Variants in CNTNAP4 observed in about 807,000 individuals in gnomAD.
The protein encoded by CNTNAP4 is contactin associated protein family member 4.
Under a neutral mutation model 148.4 loss-of-function variants are expected in CNTNAP4, and 98 were observed. That is an observed-to-expected ratio of 0.66 (90% CI 0.56 to 0.78). CNTNAP4 has a LOEUF of 0.78. CNTNAP4 is among the 30% of genes least tolerant of loss of function. CNTNAP4 has a pLI of 0.00. For synonymous variants in CNTNAP4, 730 were observed against 565.1 expected (o/e 1.29, Z -4.14); for missense variants, 1,935 against 1,565.6 (o/e 1.24, Z -3.98).
chr16:76,390,852 G>T (rs1008269830), intron 3 of CNTNAP4, among the ~76,000 whole-genome samples: 1 of 151,332 alleles, frequency 6.6e-6, no homozygotes, highest in Admixed American at 6.6e-5. Context: ...CTCATTAACT[G>T]TTTTTTTTCT....
chr16:76,314,970 T>C (rs940875344), intron 1 of CNTNAP4, among the ~76,000 whole-genome samples: 2 of 152,196 alleles, frequency 1.3e-5, no homozygotes, highest in Non-Finnish European at 2.9e-5. Flanking sequence ...TTACTTAGCT[T>C]TGCTTTTTAA....
At chr16:76,525,903 C>G (rs901748292) in intron 17 of CNTNAP4, among the ~76,000 whole-genome samples, 2 of 148,830 alleles carry the variant, frequency 1.3e-5, no homozygotes, top group African/African-American at 4.9e-5. Flanking sequence ...ATAGTTTATA[C>G]ATATATAAAA....
At chr16:76,537,870 A>G in intron 18 of CNTNAP4, among the ~76,000 whole-genome samples, 1 of 152,126 alleles carries the variant, frequency 6.6e-6, no homozygotes, top group East Asian at 1.9e-4. Context: ...GAACTCAGAT[A>G]AGAAAGCATT....
chr16:76,426,841 AG>A (rs2079422064), intron 3 of CNTNAP4, among the ~76,000 whole-genome samples: 1 of 152,174 alleles, frequency 6.6e-6, no homozygotes, highest in Non-Finnish European at 1.5e-5. Flanking sequence ...GTTTAATTAC[AG>A]GTCTTTCCAA....
intron 3 of CNTNAP4, among the ~76,000 whole-genome samples, chr16:76,419,860 GA>G (rs2079117587): frequency 6.6e-6 from 1 of 152,022 alleles, no homozygotes; most frequent in Non-Finnish European, 1.5e-5. Flanking sequence ...ACCTGGTGAA[GA>G]AAAAGAAGTC....
intron 7 of CNTNAP4, among the ~76,000 whole-genome samples, chr16:76,451,682 C>G (rs1290173321): frequency 6.7e-6 from 1 of 149,886 alleles, no homozygotes; most frequent in African/African-American, 2.4e-5. Flanking sequence ...ACCATTCACT[C>G]TTCATTGGCA....
At chr16:76,377,029 A>T (rs2015489943) in intron 3 of CNTNAP4, among the ~76,000 whole-genome samples, 1 of 151,900 alleles carries the variant, frequency 6.6e-6, no homozygotes, top group African/African-American at 2.4e-5. Context: ...TGCAATCGAC[A>T]GGCTTGGCAA....
At chr16:76,446,891 AG>A (rs546370449) in intron 4 of CNTNAP4, among the ~76,000 whole-genome samples, 239 of 152,286 alleles carry the variant, frequency 1.6e-3, no homozygotes, top group African/African-American at 5.3e-3. Context: ...GAGCCAAAAA[AG>A]CATTTAACTT....
At chr16:76,320,930 A>T (rs4888492) in intron 2 of CNTNAP4, among the ~76,000 whole-genome samples, 1 of 152,078 alleles carries the variant, frequency 6.6e-6, no homozygotes, top group Non-Finnish European at 1.5e-5. Flanking sequence ...TGAGTAGAAA[A>T]ATACATATGT....
intron 2 of CNTNAP4, among the ~76,000 whole-genome samples, chr16:76,335,347 G>A (rs928733850): frequency 6.6e-6 from 1 of 152,130 alleles, no homozygotes; most frequent in Non-Finnish European, 1.5e-5. Context: ...AGCTCAGACA[G>A]GCATGAGTCA....
At chr16:76,326,692 A>G (rs894865352) in intron 2 of CNTNAP4, among the ~76,000 whole-genome samples, 1 of 151,986 alleles carries the variant, frequency 6.6e-6, no homozygotes, top group Non-Finnish European at 1.5e-5. Flanking sequence ...GCAAACTATC[A>G]CAAGGACAAA....
chr16:76,501,557 G>T (rs1257847113), intron 15 of CNTNAP4, among the ~76,000 whole-genome samples: 1 of 152,190 alleles, frequency 6.6e-6, no homozygotes, highest in African/African-American at 2.4e-5. Flanking sequence ...ATTTGGCAGT[G>T]TTCGGAGACA....
Position 76,411,405 on chromosome 16 carries a change from A to T in CNTNAP4, c.391-16047A>T, listed in dbSNP as rs147166896. Among the ~76,000 whole-genome samples, 9 of 151,490 alleles carry T rather than the reference A, an allele frequency of 5.9e-5. No individual in the cohort carries two copies. In the East Asian group the frequency reaches 1.7e-3, roughly 29 times the overall value. ...GGTAAATGAGGAATAATTTACTTTA[A>T]ATTTTATAATGTCTGTAGTGGGGAA... is the stretch of plus-strand genomic sequence containing the variant. On this transcript the variant is annotated intron_variant, in intron 3 of 23. Transcript: ENST00000611870.
intron 1 of CNTNAP4, among the ~76,000 whole-genome samples, chr16:76,307,090 T>C (rs534934621): frequency 1.3e-5 from 2 of 152,226 alleles, no homozygotes; most frequent in African/African-American, 4.8e-5. Flanking sequence ...AAGTACTTCA[T>C]TGAATAACAC....
At chr16:76,460,567 C>A (rs1389609017) in intron 8 of CNTNAP4, among the ~76,000 whole-genome samples, 1 of 145,422 alleles carries the variant, frequency 6.9e-6, no homozygotes, top group African/African-American at 2.5e-5. Context: ...CGAGACCATC[C>A]TGGCTAACAC....
At chr16:76,314,538 TAAC>T (rs1961495154) in intron 1 of CNTNAP4, among the ~76,000 whole-genome samples, 1 of 152,208 alleles carries the variant, frequency 6.6e-6, no homozygotes, top group Non-Finnish European at 1.5e-5. Context: ...TTAATTTTCT[TAAC>T]TACTACATTT....
intron 3 of CNTNAP4, among the ~76,000 whole-genome samples, chr16:76,386,542 A>C (rs8063450): frequency 6.6e-6 from 1 of 152,192 alleles, no homozygotes; most frequent in African/African-American, 2.4e-5. Context: ...CTGTGTGATA[A>C]GTACAGCTGA....
At chr16:76,533,561 A>G (rs4490031) in intron 17 of CNTNAP4, among the ~76,000 whole-genome samples, 52,651 of 152,036 alleles carry the variant, frequency 0.35, 9,916 homozygotes, top group East Asian at 0.49. Flanking sequence ...AATATCATGT[A>G]TATCACAACA....
At chr16:76,337,132 G>T (rs1240709973) in intron 2 of CNTNAP4, among the ~76,000 whole-genome samples, 1 of 152,126 alleles carries the variant, frequency 6.6e-6, no homozygotes, top group Non-Finnish European at 1.5e-5. Flanking sequence ...TTAAATGTTG[G>T]ATGGATTCTT....
Sources: allele counts gnomAD v4.1 joint callset (sites outside exome capture counted in the v4.1 genomes callset), GRCh38; gene constraint gnomAD v4.1.1; transcripts MANE v1.5; gene names NCBI Gene and HGNC (gene_info 2026-07-23, HGNC 2026-07-21).